CHSY3: variants seen among roughly 807,000 people sequenced by gnomAD.
The protein encoded by CHSY3 is chondroitin sulfate synthase 3, also known as N-acetylgalactosaminyl-proteoglycan 3-beta-glucuronosyltransferase 3.
CHSY3 carries 35 observed loss-of-function variants against 67.2 expected under a neutral mutation model. The ratio of observed to expected loss-of-function variants is 0.52; its 90% confidence interval spans 0.40 to 0.69. CHSY3 has a LOEUF of 0.69. Among genes scored for constraint, CHSY3 ranks in the 30% least tolerant of loss-of-function variants. The pLI, the probability that CHSY3 is intolerant of heterozygous loss-of-function variation, is 0.00. For synonymous variants in CHSY3, 474 were observed against 434.7 expected (o/e 1.09, Z -1.12); for missense variants, 1,069 against 1,138.5 (o/e 0.94, Z 0.88).
At chr5:129,911,655 AG>A (rs1190125746) in intron 2 of CHSY3, among the ~76,000 whole-genome samples, 1 of 152,204 alleles carries the variant, frequency 6.6e-6, no homozygotes, top group Admixed American at 6.5e-5. Context: ...TTACATCAAA[AG>A]GGTCAAAATA....
chr5:129,965,713 A>G (rs757180977), intron 2 of CHSY3, among the ~76,000 whole-genome samples: 2 of 151,944 alleles, frequency 1.3e-5, no homozygotes, highest in Non-Finnish European at 2.9e-5. Flanking sequence ...TTGTCTTTTC[A>G]CATTTGTCAA....
chr5:129,927,781 G>A (rs955446561), intron 2 of CHSY3, among the ~76,000 whole-genome samples: 1 of 151,604 alleles, frequency 6.6e-6, no homozygotes, highest in Admixed American at 6.6e-5. Context: ...CAAAAGATTT[G>A]TGGTTGAACA....
At chr5:129,933,138 T>C (rs1180370483) in intron 2 of CHSY3, among the ~76,000 whole-genome samples, 1 of 152,124 alleles carries the variant, frequency 6.6e-6, no homozygotes, top group African/African-American at 2.4e-5. Context: ...TCCTCCATGA[T>C]TGGAGGATGG....
intron 2 of CHSY3, among the ~76,000 whole-genome samples, chr5:130,087,995 A>G (rs7444286): frequency 0.1 from 15,828 of 152,114 alleles, 1,004 homozygotes; most frequent in African/African-American, 0.18. Context: ...AACCAAAACA[A>G]CATGGTAGTG....
chr5:129,954,868 A>AAT (rs1561471048), intron 2 of CHSY3, among the ~76,000 whole-genome samples: 2 of 151,862 alleles, frequency 1.3e-5, no homozygotes, highest in South Asian at 2.1e-4. Flanking sequence ...TATCTTCTTA[A>AAT]ATATATATAT....
At chr5:130,135,192 A>G (rs1010521909) in intron 2 of CHSY3, among the ~76,000 whole-genome samples, 2 of 151,982 alleles carry the variant, frequency 1.3e-5, no homozygotes, top group African/African-American at 4.8e-5. Context: ...GTATACATAC[A>G]TACATACATA....
chr5:130,133,771 TAAAAAAA>T (rs758023976), intron 2 of CHSY3, among the ~76,000 whole-genome samples: 4,358 of 57,812 alleles, frequency 0.075, 74 homozygotes, highest in East Asian at 0.13. Context: ...GACTCCGTCT[TAAAAAAA>T]AAAAAAAAAA....
At chr5:130,102,528 C>A (rs544872019) in intron 2 of CHSY3, among the ~76,000 whole-genome samples, 1 of 151,734 alleles carries the variant, frequency 6.6e-6, no homozygotes, top group East Asian at 1.9e-4. Flanking sequence ...TATTTCTGGT[C>A]GTTTTTAGCA....
chr5:130,182,983 A>G (rs1770295562), intron 2 of CHSY3, among the ~76,000 whole-genome samples: 1 of 148,914 alleles, frequency 6.7e-6, no homozygotes, highest in South Asian at 2.1e-4. Context: ...TTTTAAATTT[A>G]TGTACAATTT....
intron 1 of CHSY3, among the ~76,000 whole-genome samples, chr5:129,907,477 C>T (rs956602441): frequency 6.6e-5 from 10 of 152,114 alleles, no homozygotes; most frequent in Non-Finnish European, 1.3e-4. Flanking sequence ...TATTTTTAAA[C>T]GTTTTTTCTG....
chr5:130,048,093 C>T lies in CHSY3; in HGVS notation c.1087-136136C>T, dbSNP rs576189388. ...AGAGAAAATGAACAAATTAGTAGAA[C>T]GAAGTACGGATTTAGTGTGTATATG... On this transcript the variant is annotated intron_variant, in intron 2 of 2. Transcript: ENST00000305031. Among the ~76,000 whole-genome samples, 27 of 147,188 alleles carry T rather than the reference C, an allele frequency of 1.8e-4. 3 individuals carry two copies. The highest frequency in any genetic ancestry group is 4.1e-4 in the African/African-American group (15 of 37,012).
At chr5:130,027,290 A>G (rs1764573528) in intron 2 of CHSY3, among the ~76,000 whole-genome samples, 2 of 152,230 alleles carry the variant, frequency 1.3e-5, no homozygotes, top group East Asian at 1.9e-4. Flanking sequence ...ACAACTTTGT[A>G]AAAGGAGAAT....
chr5:130,153,124 G>C (rs927235172), intron 2 of CHSY3, among the ~76,000 whole-genome samples: 2 of 152,046 alleles, frequency 1.3e-5, no homozygotes, highest in African/African-American at 4.8e-5. Flanking sequence ...CTGGCTACTT[G>C]GGAGGCTGAG....
intron 2 of CHSY3, among the ~76,000 whole-genome samples, chr5:130,088,608 A>G (rs1208125596): frequency 6.6e-6 from 1 of 152,196 alleles, no homozygotes; most frequent in Admixed American, 6.5e-5. Flanking sequence ...GCAGCCAAAA[A>G]ACACATGAAA....
At chr5:129,928,243 T>C (rs1329785604) in intron 2 of CHSY3, among the ~76,000 whole-genome samples, 1 of 133,180 alleles carries the variant, frequency 7.5e-6, no homozygotes, top group Non-Finnish European at 1.6e-5. Context: ...CACTGATCAT[T>C]AGAGGGAGAA....
chr5:130,117,949 C>T (rs1029787265), intron 2 of CHSY3, among the ~76,000 whole-genome samples: 4 of 152,258 alleles, frequency 2.6e-5, no homozygotes, highest in African/African-American at 4.8e-5. Flanking sequence ...AGGCAGATTC[C>T]GTGAATGGCT....
chr5:130,090,694 A>G (rs539873838), intron 2 of CHSY3, among the ~76,000 whole-genome samples: 2 of 152,202 alleles, frequency 1.3e-5, no homozygotes, highest in East Asian at 3.9e-4. Flanking sequence ...TAATGCACAT[A>G]TTTTATTTAC....
chr5:129,919,084 G>A (rs1581365215), intron 2 of CHSY3, among the ~76,000 whole-genome samples: 1 of 114,616 alleles, frequency 8.7e-6, no homozygotes. Context: ...TCCGCAGTCC[G>A]GCCTGGGCGA....
At chr5:130,096,475 A>T (rs552887144) in intron 2 of CHSY3, among the ~76,000 whole-genome samples, 80 of 152,306 alleles carry the variant, frequency 5.3e-4, no homozygotes, top group African/African-American at 1.9e-3. Context: ...CACTTTGGTT[A>T]GTAGTATTGT....
Sources: gnomAD v4.1 joint callset for allele counts (sites outside exome capture counted in the v4.1 genomes callset) on GRCh38, gnomAD v4.1.1 for gene constraint, MANE v1.5 for transcripts, NCBI Gene and HGNC (gene_info 2026-07-23, HGNC 2026-07-21) for gene names.